Variants in DLG1 observed in about 807,000 individuals in gnomAD.
DLG1 encodes the protein discs large MAGUK scaffold protein 1.
Under a neutral mutation model 123.4 loss-of-function variants are expected in DLG1, and 42 were observed. The ratio of observed to expected loss-of-function variants is 0.34; its 90% CI spans 0.27 to 0.44. The LOEUF is 0.44. Ranked by LOEUF, DLG1 falls within the 20% of genes least tolerant of loss-of-function variation. DLG1 has a pLI of 1.00. For synonymous variants in DLG1, 317 were observed against 356.2 expected, an observed-to-expected ratio of 0.89 and a Z score of 1.24; for missense variants, 942 against 1,082.6, an observed-to-expected ratio of 0.87 and a Z score of 1.82.
chr3:197,074,010 T>C (rs531300989), intron 18 of DLG1, among the ~76,000 whole-genome samples: 2 of 152,296 alleles, frequency 1.3e-5, no homozygotes, highest in South Asian at 4.1e-4. Flanking sequence ...AACTTCAGAA[T>C]GTAAGTAACT....
At chr3:197,134,791 C>T (rs1784300677) in intron 10 of DLG1, among the ~76,000 whole-genome samples, 1 of 152,246 alleles carries the variant, frequency 6.6e-6, no homozygotes, top group Non-Finnish European at 1.5e-5. Flanking sequence ...CATTTTTGGG[C>T]TTGGGTGAAG....
intron 4 of DLG1, among the ~76,000 whole-genome samples, chr3:197,253,783 C>T (rs1023762570): frequency 6.6e-5 from 10 of 151,986 alleles, no homozygotes; most frequent in African/African-American, 9.7e-5. Context: ...ACTCTATTAA[C>T]GTCAATATCC....
intron 4 of DLG1, among the ~76,000 whole-genome samples, chr3:197,265,195 A>C (rs1257693972): frequency 3.3e-5 from 5 of 152,260 alleles, no homozygotes; most frequent in African/African-American, 9.6e-5. Flanking sequence ...AATATGAGCT[A>C]CTTTAGAAGG....
chr3:197,189,414 C>A (rs1375476941), intron 5 of DLG1, among the ~76,000 whole-genome samples: 1 of 151,938 alleles, frequency 6.6e-6, no homozygotes, highest in Non-Finnish European at 1.5e-5. Flanking sequence ...TAGGAAAAAA[C>A]ATTAACATAT....
chr3:197,221,203 AAAG>A (rs1263809046), intron 4 of DLG1, among the ~76,000 whole-genome samples: 2 of 152,194 alleles, frequency 1.3e-5, no homozygotes, highest in South Asian at 2.1e-4. Flanking sequence ...AGGCTGGAAC[AAAG>A]AAGTGAGAAG....
intron 4 of DLG1, among the ~76,000 whole-genome samples, chr3:197,265,531 C>T (rs1023777074): frequency 5.3e-5 from 8 of 152,058 alleles, no homozygotes; most frequent in South Asian, 4.1e-4. Flanking sequence ...AAGGAGAGAG[C>T]GGGACAGAAA....
intron 4 of DLG1, among the ~76,000 whole-genome samples, chr3:197,229,665 C>T (rs901310758): frequency 6.6e-6 from 1 of 152,138 alleles, no homozygotes; most frequent in African/African-American, 2.4e-5. Context: ...GCACTCTGGT[C>T]AAGTTTAACA....
At chr3:197,130,731 C>A in intron 10 of DLG1, 60 bp from the exon 11 acceptor site, 1 of 1,349,824 alleles carries the variant, frequency 7.4e-7, no homozygotes, top group South Asian at 1.5e-5. Flanking sequence ...GTTTTGGAAA[C>A]AATTTCACGA....
chr3:197,250,547 C>A (rs368556359), intron 4 of DLG1, among the ~76,000 whole-genome samples: 1 of 145,006 alleles, frequency 6.9e-6, no homozygotes, highest in Non-Finnish European at 1.5e-5. Context: ...CCAGCCCTGG[C>A]GACAGAGTGA....
intron 24 of DLG1, among the ~76,000 whole-genome samples, chr3:197,050,149 C>T (rs1353673390): frequency 1.3e-5 from 2 of 152,028 alleles, no homozygotes; most frequent in South Asian, 2.1e-4. Context: ...GGGTGGATCA[C>T]GAGGTCAGGA....
In DLG1 at chr3:197,152,762, C is replaced by CAAA. The variant is rs63446260; in HGVS notation, c.484-2969_484-2967dup. On this transcript the variant is annotated intron_variant, in intron 5 of 24. Coordinates refer to ENST00000667157, the MANE Select transcript of DLG1 (RefSeq NM_001366207.1). ...TGGGCAACAGAGCGAGACTCTGTCTCAAAAAAAAAAAAAAAAAAAAAAAAG... is the reference window on the plus strand; with the variant it reads ...TGGGCAACAGAGCGAGACTCTGTCTCAAAAAAAAAAAAAAAAAAAAAAAAAAAG... Among the ~76,000 whole-genome samples the CAAA allele has an allele frequency of 1.5e-3, 81 of 52,464 alleles. 1 individual carries two copies. The highest frequency in any genetic ancestry group is 1.9e-3 in the Non-Finnish European group (55 of 28,606). 34.4% of individuals were successfully genotyped at this position (52,464 alleles called of 152,430 possible).
intron 18 of DLG1, among the ~76,000 whole-genome samples, chr3:197,073,387 C>A (rs905251820): frequency 3.3e-5 from 5 of 152,146 alleles, no homozygotes; most frequent in African/African-American, 1.2e-4. Flanking sequence ...TACTTCTGAG[C>A]ACCTTATGTA....
chr3:197,198,588 A>G (rs78754807), intron 4 of DLG1, among the ~76,000 whole-genome samples: 1,797 of 152,314 alleles, frequency 0.012, 30 homozygotes, highest in African/African-American at 0.041. Flanking sequence ...ATAGCTCAAC[A>G]AGAAGATGAG....
chr3:197,250,091 T>C (rs374350157), intron 4 of DLG1, among the ~76,000 whole-genome samples: 3 of 152,040 alleles, frequency 2.0e-5, no homozygotes, highest in Non-Finnish European at 2.9e-5. Context: ...GGCACCAAAA[T>C]TGAAAAGGAA....
intron 11 of DLG1, among the ~76,000 whole-genome samples, chr3:197,128,498 C>T (rs1429276409): frequency 6.6e-6 from 1 of 152,202 alleles, no homozygotes; most frequent in East Asian, 1.9e-4. Flanking sequence ...CTGGAATCAA[C>T]ATCTTTGAAA....
chr3:197,141,113 T>C (rs1024054687), intron 7 of DLG1, among the ~76,000 whole-genome samples: 2 of 152,222 alleles, frequency 1.3e-5, no homozygotes, highest in Non-Finnish European at 2.9e-5. Context: ...AGCAAATATA[T>C]GTGGACCTAT....
chr3:197,160,284 A>G (rs962568015), intron 5 of DLG1, among the ~76,000 whole-genome samples: 4 of 152,148 alleles, frequency 2.6e-5, no homozygotes, highest in African/African-American at 9.7e-5. Flanking sequence ...AGACTGGTAC[A>G]AATTCTCAAA....
intron 16 of DLG1, among the ~76,000 whole-genome samples, chr3:197,081,994 T>C (rs974600345): frequency 5.9e-5 from 9 of 152,240 alleles, no homozygotes; most frequent in Non-Finnish European, 1.2e-4. Flanking sequence ...AACAAGACTA[T>C]GAATAAATGA....
chr3:197,191,713 G>A (rs1342116531), intron 5 of DLG1, among the ~76,000 whole-genome samples: 3 of 152,188 alleles, frequency 2.0e-5, no homozygotes, highest in African/African-American at 4.8e-5. Flanking sequence ...CTTTACCCGT[G>A]CTGAGGTTCT....
Sources: gnomAD v4.1 joint callset for allele counts (sites outside exome capture counted in the v4.1 genomes callset) on GRCh38, gnomAD v4.1.1 for gene constraint, MANE v1.5 for transcripts, NCBI Gene and HGNC (gene_info 2026-07-23, HGNC 2026-07-21) for gene names.